The following TCF4 variants were observed in gnomAD, a reference collection of about 807,000 sequenced individuals.
The protein encoded by TCF4 is SL3-3 enhancer factor 2.
TCF4 carries 3 observed loss-of-function variants against 82.1 expected under a neutral mutation model. The observed-to-expected ratio is 0.04, with a 90% CI of 0.02 to 0.09. The LOEUF is 0.09. Among genes scored for constraint, TCF4 ranks in the 10% least tolerant of loss-of-function variants. TCF4 has a pLI of 1.00. For synonymous variants in TCF4, 276 were observed against 309.6 expected, an observed-to-expected ratio of 0.89 and a Z score of 1.14; for missense variants, 518 against 852.7, an observed-to-expected ratio of 0.61 and a Z score of 4.89.
At chr18:55,477,947 T>C (rs545794642) in intron 3 of TCF4, among the ~76,000 whole-genome samples, 1 of 152,260 alleles carries the variant, frequency 6.6e-6, no homozygotes, top group Admixed American at 6.5e-5. Flanking sequence ...AGAGATGAGC[T>C]GCTCTGAGGT....
At chr18:55,468,280 G>A (rs1337361877) in intron 3 of TCF4, among the ~76,000 whole-genome samples, 8 of 152,200 alleles carry the variant, frequency 5.3e-5, no homozygotes, top group Non-Finnish European at 1.2e-4. Context: ...CTGGCTATTT[G>A]CTAGAAGTGG....
intron 5 of TCF4, chr18:55,423,429 A>G (rs201137931): frequency 6.7e-3 from 509 of 75,654 alleles, no homozygotes; most frequent in Middle Eastern, 0.012. Context: ...GCGCGCGCGC[A>G]CACACACACA....
At chr18:55,252,355 C>CTT (rs1420210712) in intron 15 of TCF4, among the ~76,000 whole-genome samples, 7 of 131,690 alleles carry the variant, frequency 5.3e-5, no homozygotes, top group African/African-American at 2.0e-4. Context: ...GGCTTTATTG[C>CTT]TTTTGTGTGT....
intron 3 of TCF4, among the ~76,000 whole-genome samples, chr18:55,561,227 A>T (rs2097352452): frequency 6.6e-6 from 1 of 152,212 alleles, no homozygotes; most frequent in South Asian, 2.1e-4. Context: ...TACTCCAATG[A>T]TACAGATTTC....
chr18:55,434,617 C>T (rs939764720), intron 5 of TCF4, among the ~76,000 whole-genome samples: 9 of 150,248 alleles, frequency 6.0e-5, no homozygotes, highest in African/African-American at 1.2e-4. Flanking sequence ...TTAGTAGAGA[C>T]GGGGTTTCAC....
At chr18:55,508,905 A>C (rs1483303514) in intron 3 of TCF4, among the ~76,000 whole-genome samples, 1 of 152,234 alleles carries the variant, frequency 6.6e-6, no homozygotes, top group Non-Finnish European at 1.5e-5. Flanking sequence ...TAAAAAATCC[A>C]AACAAAATGT....
chr18:55,542,707 A>C (rs2097174626), intron 3 of TCF4, among the ~76,000 whole-genome samples: 1 of 151,978 alleles, frequency 6.6e-6, no homozygotes. Context: ...TTAGCACTGC[A>C]ATCATGTCCA....
intron 3 of TCF4, chr18:55,553,124 C>T (rs2097274436): frequency 6.6e-6 from 1 of 152,224 alleles, no homozygotes; most frequent in Non-Finnish European, 1.5e-5. Context: ...ATAAGAGTGA[C>T]TTAGAGACAA....
chr18:55,611,037 C>T (rs1303373312), intron 2 of TCF4, among the ~76,000 whole-genome samples: 1 of 152,128 alleles, frequency 6.6e-6, no homozygotes, highest in Non-Finnish European at 1.5e-5. Context: ...GAAATAAGAG[C>T]AGAAGAGAGA....
chr18:55,453,258 T>C (rs1223686731), intron 5 of TCF4, among the ~76,000 whole-genome samples: 3 of 151,930 alleles, frequency 2.0e-5, no homozygotes, highest in African/African-American at 4.8e-5. Flanking sequence ...CTTTAGACAA[T>C]GAGGGGAAGG....
chr18:55,531,189 A>T (rs2097059139), intron 3 of TCF4, among the ~76,000 whole-genome samples: 2 of 151,892 alleles, frequency 1.3e-5, no homozygotes, highest in Admixed American at 6.6e-5. Context: ...CCTGACCTCA[A>T]GTGATCCACC....
intron 6 of TCF4, among the ~76,000 whole-genome samples, chr18:55,395,635 G>T (rs528137896): frequency 5.9e-5 from 9 of 152,314 alleles, no homozygotes; most frequent in African/African-American, 2.2e-4. Flanking sequence ...TTAAGAACCT[G>T]CTAAAGGTAT....
chr18:55,561,751 C>T (rs1346440183), intron 3 of TCF4, among the ~76,000 whole-genome samples: 2 of 152,116 alleles, frequency 1.3e-5, no homozygotes, highest in African/African-American at 4.8e-5. Context: ...ATATTAAACA[C>T]ATTAAAAATA....
chr18:55,515,056 T>C (rs1178994484), intron 3 of TCF4, among the ~76,000 whole-genome samples: 2 of 152,144 alleles, frequency 1.3e-5, no homozygotes, highest in East Asian at 3.8e-4. Context: ...TCAGCAAGAT[T>C]AGGAAATTTG....
chr18:55,613,107 T>C (rs988879196), intron 2 of TCF4, among the ~76,000 whole-genome samples: 1 of 152,136 alleles, frequency 6.6e-6, no homozygotes, highest in Non-Finnish European at 1.5e-5. Context: ...TGTATAAGTG[T>C]CAAATATATT....
At chr18:55,316,955 GA>G (rs1434002494) in intron 8 of TCF4, among the ~76,000 whole-genome samples, 3 of 151,916 alleles carry the variant, frequency 2.0e-5, no homozygotes, top group African/African-American at 7.3e-5. Flanking sequence ...TTTTTTCCCT[GA>G]GAAATTAGCC....
intron 4 of TCF4, among the ~76,000 whole-genome samples, chr18:55,462,043 G>C (rs1042451173): frequency 2.4e-4 from 37 of 152,150 alleles, no homozygotes; most frequent in African/African-American, 8.7e-4. Context: ...AATTTACTCA[G>C]AGGTATCGGT....
chr18:55,390,864 T>C (rs75037433), intron 6 of TCF4, among the ~76,000 whole-genome samples: 3,297 of 152,314 alleles, frequency 0.022, 76 homozygotes, highest in Non-Finnish European at 0.027. Flanking sequence ...CCTCCCTCTA[T>C]ACATAAAACT....
intron 3 of TCF4, among the ~76,000 whole-genome samples, chr18:55,569,977 T>A (rs2097446927): frequency 1.3e-5 from 2 of 152,002 alleles, no homozygotes; most frequent in South Asian, 4.2e-4. Context: ...ACACGAAAAG[T>A]GGGGAGGAAG....
Sources: gnomAD v4.1 joint callset for allele counts (sites outside exome capture counted in the v4.1 genomes callset) on GRCh38, gnomAD v4.1.1 for gene constraint, MANE v1.5 for transcripts, NCBI Gene and HGNC (gene_info 2026-07-23, HGNC 2026-07-21) for gene names.